The following NOS1AP variants were observed in gnomAD, a reference collection of about 807,000 sequenced individuals.
NOS1AP encodes the protein carboxyl-terminal PDZ ligand of neuronal nitric oxide synthase protein.
In NOS1AP, 21 loss-of-function variants were observed where a neutral mutation model predicts 56.2. The ratio of observed to expected loss-of-function variants is 0.37; its 90% CI spans 0.26 to 0.54. NOS1AP has a LOEUF of 0.54. Ranked by LOEUF, NOS1AP falls within the 20% of genes least tolerant of loss-of-function variation. The pLI is 0.84. For synonymous variants in NOS1AP, 270 were observed against 274.6 expected, an observed-to-expected ratio of 0.98 and a Z score of 0.17; for missense variants, 522 against 657.8, an observed-to-expected ratio of 0.79 and a Z score of 2.26.
intron 4 of NOS1AP, 81 bp from the exon 5 acceptor site, chr1:162,332,936 T>C: frequency 1.0e-6 from 1 of 962,530 alleles, no homozygotes; most frequent in Non-Finnish European, 1.7e-6. Flanking sequence ...TGCTTCAGAG[T>C]GTCCTTAAAC....
At chr1:162,349,990 A>G (rs1466030445) in intron 6 of NOS1AP, among the ~76,000 whole-genome samples, 8 of 152,332 alleles carry the variant, frequency 5.3e-5, no homozygotes, top group South Asian at 2.1e-4. Context: ...TTCACTGTCT[A>G]TAAACTGCTA....
At chr1:162,160,590 T>C (rs527850068) in intron 2 of NOS1AP, among the ~76,000 whole-genome samples, 22 of 152,106 alleles carry the variant, frequency 1.4e-4, no homozygotes, top group Non-Finnish European at 2.5e-4. Flanking sequence ...AGCCCTGAAA[T>C]CCATATTTTA....
intron 2 of NOS1AP, among the ~76,000 whole-genome samples, chr1:162,253,206 C>T (rs1409746418): frequency 6.6e-6 from 1 of 152,152 alleles, no homozygotes; most frequent in Non-Finnish European, 1.5e-5. Flanking sequence ...CTTGCCCTCT[C>T]CACACTTCTT....
At position 162,367,151 on chromosome 1, in the gene NOS1AP, C is replaced by T. The variant is rs1249679104; in HGVS notation, c.1205C>T (p.Pro402Leu). ...TTPKPEDLHSPPLGAGLADFA... is the reference protein window; with the variant it reads ...TTPKPEDLHSLPLGAGLADFA... ...CCTAAGCCAGAGGACCTGCATTCGC[C>T]GCCGCTGGGCGCGGGCTTGGCTGAC... Residue 402 changes from proline to leucine, a missense_variant, in exon 10 of 10, where the codon CCG becomes CTG. Transcript: ENST00000361897. This position sits in a 1 kb window ranked among gnomAD's most constrained non-coding sequence, Gnocchi z 6.5. 1.1e-5 allele frequency: 18 copies of T among 1,613,714 alleles called. No individual in the cohort carries two copies. The highest frequency in any genetic ancestry group is 1.4e-5 in the Non-Finnish European group (17 of 1,179,954).
intron 1 of NOS1AP, among the ~76,000 whole-genome samples, chr1:162,114,047 C>T (rs10918689): frequency 0.031 from 4,645 of 152,230 alleles, 230 homozygotes; most frequent in African/African-American, 0.1. Context: ...GTAAATATGG[C>T]TTCCTTGCTC....
At chr1:162,137,754 A>G (rs1649064652) in intron 1 of NOS1AP, among the ~76,000 whole-genome samples, 1 of 151,990 alleles carries the variant, frequency 6.6e-6, no homozygotes, top group African/African-American at 2.4e-5. Context: ...GCACATGCGT[A>G]CACACACACA....
intron 1 of NOS1AP, among the ~76,000 whole-genome samples, chr1:162,118,222 A>G (rs1190077228): frequency 6.6e-6 from 1 of 152,218 alleles, no homozygotes; most frequent in Non-Finnish European, 1.5e-5. Context: ...CACAGTACCC[A>G]ACAGATGGTT....
Position 162,322,098 on chromosome 1 carries a change from AG to A in NOS1AP, c.345-10918del, listed in dbSNP as rs569453203. On this transcript the variant is annotated intron_variant, in intron 4 of 9. Coordinates refer to ENST00000361897, the MANE Select transcript of NOS1AP (RefSeq NM_014697.3). ...TCTAAAAAACACACAAAAAAGAAAA[AG>A]ACACTAGATTGTGATTGAGAGTGAG... Among the ~76,000 whole-genome samples the A allele has an allele frequency of 7.0e-4, 106 of 152,352 alleles. 2 individuals carry two copies. Among genetic ancestry groups the A allele is most frequent in the African/African-American group, 2.4e-3 (101 of 41,584 alleles).
intron 2 of NOS1AP, among the ~76,000 whole-genome samples, chr1:162,257,301 A>G (rs1414355128): frequency 2.6e-5 from 4 of 152,060 alleles, no homozygotes; most frequent in African/African-American, 9.7e-5. Flanking sequence ...ATCTGTGAAC[A>G]GAGATGTGAT....
intron 1 of NOS1AP, among the ~76,000 whole-genome samples, chr1:162,115,964 C>T (rs180684739): frequency 7.2e-4 from 109 of 152,204 alleles, no homozygotes; most frequent in Non-Finnish European, 1.3e-3. Context: ...AGTCCTCTCA[C>T]GATGTCAAAT....
chr1:162,352,519 A>G (rs1488076949), intron 6 of NOS1AP, among the ~76,000 whole-genome samples: 1 of 151,916 alleles, frequency 6.6e-6, no homozygotes. Flanking sequence ...AGTAATCTAC[A>G]CAGCCTGCCA....
intron 8 of NOS1AP, chr1:162,361,035 C>T (rs1310939320): frequency 2.5e-6 from 1 of 401,112 alleles, no homozygotes; most frequent in Admixed American, 2.7e-5. Flanking sequence ...CAGGGCTGAA[C>T]TTTTGTGTGT....
At chr1:162,196,920 C>T (rs1264285453) in intron 2 of NOS1AP, among the ~76,000 whole-genome samples, 1 of 152,112 alleles carries the variant, frequency 6.6e-6, no homozygotes, top group African/African-American at 2.4e-5. Context: ...CTTTTTCATG[C>T]CCATTCCTTC....
intron 2 of NOS1AP, among the ~76,000 whole-genome samples, chr1:162,271,723 A>G (rs1458940158): frequency 6.6e-6 from 1 of 151,978 alleles, no homozygotes; most frequent in Non-Finnish European, 1.5e-5. Flanking sequence ...GGGCTTCTAT[A>G]AAAGAATACC....
At chr1:162,143,456 A>G (rs1649320428) in intron 1 of NOS1AP, among the ~76,000 whole-genome samples, 1 of 152,128 alleles carries the variant, frequency 6.6e-6, no homozygotes, top group South Asian at 2.1e-4. Context: ...TTATGATTTT[A>G]TAATATTTTC....
intron 1 of NOS1AP, among the ~76,000 whole-genome samples, chr1:162,098,377 G>A (rs1692297755): frequency 6.6e-6 from 1 of 151,960 alleles, no homozygotes; most frequent in Non-Finnish European, 1.5e-5. Flanking sequence ...AAAGTGCTGG[G>A]ATTACAGGTG....
intron 4 of NOS1AP, among the ~76,000 whole-genome samples, chr1:162,321,499 C>T (rs1656410661): frequency 1.3e-5 from 2 of 151,928 alleles, no homozygotes; most frequent in African/African-American, 4.8e-5. Flanking sequence ...TGTTCTCACT[C>T]ATAGGTGGGA....
rs532424442 is a variant in NOS1AP at position 162,203,841 on chromosome 1, C to T, written c.177+49365C>T. ...CCCCAGAGGATTTGGTCTTTTTCCT[C>T]TTTGGTCAAGAAGGCCAGATGGAAG... is the stretch of plus-strand genomic sequence containing the variant. On this transcript the variant is annotated intron_variant, in intron 2 of 9. Coordinates refer to ENST00000361897, the MANE Select transcript of NOS1AP (RefSeq NM_014697.3). 1.1e-4 allele frequency among the ~76,000 whole-genome samples: 17 copies of T among 152,296 alleles called. No homozygotes were observed. In the East Asian group the frequency reaches 1.5e-3, roughly 14 times the overall value.
chr1:162,269,419 A>G (rs1233723620), intron 2 of NOS1AP, among the ~76,000 whole-genome samples: 1 of 152,228 alleles, frequency 6.6e-6, no homozygotes, highest in Non-Finnish European at 1.5e-5. Context: ...TTAATTTAAG[A>G]AACGGATAAT....
Sources: allele counts gnomAD v4.1 joint callset (sites outside exome capture counted in the v4.1 genomes callset), GRCh38; gene constraint gnomAD v4.1.1; non-coding constraint Gnocchi (gnomAD v3.1); transcripts MANE v1.5; gene names NCBI Gene and HGNC (gene_info 2026-07-23, HGNC 2026-07-21).